Variants in FAM81B observed in about 807,000 individuals in gnomAD.
FAM81B encodes the protein protein FAM81B.
A neutral mutation model predicts 58.7 loss-of-function variants in FAM81B; 60 were observed. The observed-to-expected ratio is 1.02, with a 90% CI of 0.83 to 1.27. FAM81B has a LOEUF of 1.27. FAM81B is among the 50% of genes most tolerant of loss of function. The pLI is 0.00. For missense variants in FAM81B, 491 were observed against 522.0 expected (o/e 0.94, Z 0.58); for synonymous variants, 189 against 179.6 (o/e 1.05, Z -0.42).
At chr5:95,408,473 G>T (rs538097539) in intron 3 of FAM81B, among the ~76,000 whole-genome samples, 1 of 152,144 alleles carries the variant, frequency 6.6e-6, no homozygotes, top group Non-Finnish European at 1.5e-5. Context: ...GTATGGACCC[G>T]GAAATCATCC....
At chr5:95,440,019 T>C (rs1442746304) in intron 7 of FAM81B, 3 of 378,394 alleles carry the variant, frequency 7.9e-6, no homozygotes, top group East Asian at 7.1e-5. Context: ...ACCTGGTCTC[T>C]AAAAAAGTCT....
intron 3 of FAM81B, chr5:95,410,724 C>CT (rs1368393336): frequency 6.6e-6 from 1 of 152,120 alleles, no homozygotes; most frequent in Non-Finnish European, 1.5e-5. Context: ...TTTCCAGGCC[C>CT]TAATAAAGGC....
intron 3 of FAM81B, among the ~76,000 whole-genome samples, chr5:95,403,771 C>T (rs951215288): frequency 6.6e-6 from 1 of 152,216 alleles, no homozygotes; most frequent in Admixed American, 6.5e-5. Flanking sequence ...AAGGCAAAGA[C>T]ACTTTATCCA....
At chr5:95,440,402 C>G in intron 7 of FAM81B, 2 of 677,720 alleles carry the variant, frequency 3.0e-6, no homozygotes, top group Admixed American at 1.8e-5. Flanking sequence ...AATGTCATGA[C>G]GATTACCTGG....
Position 95,434,514 on chromosome 5 carries a change from T to C in FAM81B, c.787-2286T>C, listed in dbSNP as rs539662281. Among the ~76,000 whole-genome samples, 578 of 152,314 alleles carry C rather than the reference T, an allele frequency of 3.8e-3. 4 individuals are homozygous for C. The highest frequency in any genetic ancestry group is 7.5e-3 in the South Asian group (36 of 4,828). On this transcript the variant is annotated intron_variant, in intron 6 of 9. Transcript: ENST00000283357. ...TGTGATTAAGTTAGGCCCACTTGGATAATCCAGAATAATCTCCCCCTTTTA... is the reference window on the plus strand; with the variant it reads ...TGTGATTAAGTTAGGCCCACTTGGACAATCCAGAATAATCTCCCCCTTTTA...
At chr5:95,430,709 A>G (rs1221501265) in intron 6 of FAM81B, among the ~76,000 whole-genome samples, 1 of 152,096 alleles carries the variant, frequency 6.6e-6, no homozygotes, top group Non-Finnish European at 1.5e-5. Context: ...TCAAAATAGA[A>G]TAAATAAAAG....
intron 3 of FAM81B, 146 bp from the exon 4 acceptor site, chr5:95,413,801 C>A: frequency 7.2e-7 from 1 of 1,379,348 alleles, no homozygotes; most frequent in Non-Finnish European, 9.5e-7. Context: ...TCACCAAATT[C>A]TAACCATGGC....
At chr5:95,401,679 T>C (rs1762118489) in intron 3 of FAM81B, among the ~76,000 whole-genome samples, 1 of 152,160 alleles carries the variant, frequency 6.6e-6, no homozygotes, top group Non-Finnish European at 1.5e-5. Context: ...CGGTATGCCT[T>C]TTTGTGTTCT....
chr5:95,426,094 GTATATATATA>G (rs57076025), intron 5 of FAM81B, among the ~76,000 whole-genome samples: 13 of 120,180 alleles, frequency 1.1e-4, no homozygotes, highest in Non-Finnish European at 1.5e-4. Context: ...ATCTCTGTGT[GTATATATATA>G]TATATATATA....
Position 95,397,423 on chromosome 5 carries a change from A to G in FAM81B, c.293+1248A>G, listed in dbSNP as rs188741988. On this transcript the variant is annotated intron_variant, in intron 3 of 9. Coordinates refer to ENST00000283357, the MANE Select transcript of FAM81B (RefSeq NM_152548.3). The stretch of plus-strand genomic sequence containing the variant: ...ATGTATTAGCTAACCTTATCTTCCA[A>G]GGAGAAAAGGGAAACTTGTCCCCAC... Among the ~76,000 whole-genome samples, 5 of 152,350 alleles carry G rather than the reference A, an allele frequency of 3.3e-5. No individual in the cohort carries two copies. In the East Asian group the frequency reaches 7.7e-4, roughly 23 times the overall value.
intron 4 of FAM81B, among the ~76,000 whole-genome samples, chr5:95,415,054 T>A (rs2731836): frequency 0.78 from 117,781 of 151,936 alleles, 45,810 homozygotes; most frequent in East Asian, 0.84. Flanking sequence ...ATGAATAAAT[T>A]AATTAATTTT....
intron 9 of FAM81B, among the ~76,000 whole-genome samples, chr5:95,449,826 G>A (rs761087769): frequency 1.3e-5 from 2 of 152,128 alleles, no homozygotes; most frequent in Non-Finnish European, 2.9e-5. Flanking sequence ...AATCACACAA[G>A]TCTCTCATCA....
chr5:95,441,191 T>C (rs1745329180), intron 7 of FAM81B, among the ~76,000 whole-genome samples: 1 of 152,164 alleles, frequency 6.6e-6, no homozygotes, highest in South Asian at 2.1e-4. Flanking sequence ...GAGCCTCGGC[T>C]TCCATAGCCA....
intron 1 of FAM81B, 101 bp from the exon 2 acceptor site, chr5:95,392,693 C>T: frequency 4.5e-6 from 4 of 880,800 alleles, no homozygotes; most frequent in Non-Finnish European, 7.1e-6. Flanking sequence ...TTAAGCCAAG[C>T]TATATGTACA....
chr5:95,408,758 T>C (rs1344126080), intron 3 of FAM81B, among the ~76,000 whole-genome samples: 1 of 152,248 alleles, frequency 6.6e-6, no homozygotes, highest in Non-Finnish European at 1.5e-5. Context: ...ATGACTCATT[T>C]AAAGTGCTAG....
intron 5 of FAM81B, among the ~76,000 whole-genome samples, chr5:95,427,043 C>T (rs1047242007): frequency 4.0e-5 from 6 of 148,976 alleles, no homozygotes; most frequent in East Asian, 3.9e-4. Context: ...AGCAAGACTC[C>T]GTCTCAAAAA....
intron 6 of FAM81B, among the ~76,000 whole-genome samples, chr5:95,432,621 G>A (rs1744947520): frequency 6.6e-6 from 1 of 151,750 alleles, no homozygotes; most frequent in South Asian, 2.1e-4. Flanking sequence ...TCAGAGGTTA[G>A]CTTCTATAAA....
intron 3 of FAM81B, among the ~76,000 whole-genome samples, chr5:95,410,108 C>A (rs1481179470): frequency 6.6e-6 from 1 of 152,174 alleles, no homozygotes; most frequent in Non-Finnish European, 1.5e-5. Context: ...GAAAGGCTAT[C>A]TCGATTTAAA....
At chr5:95,448,531 C>A in intron 9 of FAM81B, 67 bp downstream of exon 9, 1 of 1,446,010 alleles carries the variant, frequency 6.9e-7, no homozygotes, top group Non-Finnish European at 9.3e-7. Flanking sequence ...CAGTCTTCCA[C>A]TTTGAGCTAA....
Sources: allele counts gnomAD v4.1 joint callset (sites outside exome capture counted in the v4.1 genomes callset), GRCh38; gene constraint gnomAD v4.1.1; transcripts MANE v1.5; gene names NCBI Gene and HGNC (gene_info 2026-07-23, HGNC 2026-07-21).